RBFOX1: variants seen among roughly 807,000 people sequenced by gnomAD.
The protein encoded by RBFOX1 is RNA binding fox-1 homolog 1.
RBFOX1 carries 8 observed loss-of-function variants against 57.7 expected under a neutral mutation model. The observed-to-expected ratio is 0.14, with a 90% CI of 0.08 to 0.25. The LOEUF (loss-of-function observed/expected upper bound fraction) is 0.25, where lower values mean the gene tolerates loss of function less well. RBFOX1 is among the 10% of genes least tolerant of loss of function. RBFOX1 has a pLI of 1.00. For missense variants in RBFOX1, 611 were observed against 548.5 expected (o/e 1.11, Z -1.14); for synonymous variants, 326 against 222.4 (o/e 1.47, Z -4.15).
At chr16:5,703,342 G>A (rs1287848852) in intron 3 of RBFOX1, among the ~76,000 whole-genome samples, 1 of 152,118 alleles carries the variant, frequency 6.6e-6, no homozygotes, top group East Asian at 1.9e-4. Flanking sequence ...ATGCAAAGAG[G>A]GCAGGGAAGA....
intron 1 of RBFOX1, among the ~76,000 whole-genome samples, chr16:6,185,591 G>T (rs1053664138): frequency 1.3e-5 from 2 of 152,166 alleles, no homozygotes; most frequent in Non-Finnish European, 2.9e-5. Flanking sequence ...GGTGATCAGC[G>T]TGGGTTTAAG....
chr16:7,420,625 G>A (rs541079208), intron 4 of RBFOX1, among the ~76,000 whole-genome samples: 59 of 149,430 alleles, frequency 3.9e-4, no homozygotes, highest in Non-Finnish European at 7.7e-4. Context: ...TTTTCCTTCT[G>A]ACTTAGTGAA....
rs117716868 is a variant in RBFOX1, at chr16:6,783,050, C to G, written c.-16+128400C>G. ...TATTTTATCTGGTATAAGTACAGCTCTTTATGTTCTTTTTTGGTTTTCATT... is the reference window on the plus strand; with the variant it reads ...TATTTTATCTGGTATAAGTACAGCTGTTTATGTTCTTTTTTGGTTTTCATT... On this transcript the variant is annotated intron_variant, in intron 3 of 15. Coordinates refer to ENST00000550418, the MANE Select transcript of RBFOX1 (RefSeq NM_018723.4). Among the ~76,000 whole-genome samples the G allele has an allele frequency of 9.2e-5, 14 of 151,914 alleles. No individual in the cohort carries two copies. In the East Asian group the frequency reaches 2.7e-3, roughly 29 times the overall value.
At chr16:6,787,135 C>G (rs146727361) in intron 3 of RBFOX1, among the ~76,000 whole-genome samples, 1 of 152,314 alleles carries the variant, frequency 6.6e-6, no homozygotes, top group African/African-American at 2.4e-5. Flanking sequence ...CAATTGAGTG[C>G]TCTCCAAGAA....
chr16:6,801,836 C>T (rs1185635316), intron 3 of RBFOX1, among the ~76,000 whole-genome samples: 2 of 152,084 alleles, frequency 1.3e-5, no homozygotes, highest in Admixed American at 6.6e-5. Flanking sequence ...AGTTGTATGT[C>T]TACATGTAAG....
rs964534535 is a variant in RBFOX1, at chr16:7,333,194, C to G, written c.28-184953C>G. 3.8e-6 allele frequency: 4 copies of G among 1,039,248 alleles called. No homozygotes were observed. The African/African-American group carries it at 4.7e-5, about 12-fold the overall frequency. The allele number at this position is 1,039,248 out of a possible 1,614,324, so 64.4% of individuals were successfully genotyped here. A position where few individuals can be genotyped will look rare whatever the true frequency, so the allele number is the denominator to read the frequency against. On this transcript the variant is annotated intron_variant, in intron 4 of 15. Coordinates refer to ENST00000550418, the MANE Select transcript of RBFOX1 (RefSeq NM_018723.4). ...CAAACACTTTTAATACAGGAAAAAG[C>G]CCTCGCGTAGTCAGTGAGAAGACAG...
chr16:5,513,828 G>A (rs1438663636), intron 2 of RBFOX1, among the ~76,000 whole-genome samples: 2 of 151,942 alleles, frequency 1.3e-5, no homozygotes, highest in Non-Finnish European at 2.9e-5. Flanking sequence ...TGATCATCAG[G>A]GCTAGAAATA....
At chr16:6,861,642 T>C (rs188967757) in intron 3 of RBFOX1, among the ~76,000 whole-genome samples, 1 of 152,192 alleles carries the variant, frequency 6.6e-6, no homozygotes, top group Non-Finnish European at 1.5e-5. Context: ...TGTTGCAATA[T>C]TACAGACTTG....
intron 4 of RBFOX1, among the ~76,000 whole-genome samples, chr16:7,146,810 G>A (rs2075068881): frequency 6.7e-6 from 1 of 150,022 alleles, no homozygotes; most frequent in Non-Finnish European, 1.5e-5. Context: ...ATATATCCAA[G>A]GATGTGGCAC....
chr16:6,953,198 G>A (rs187311988), intron 3 of RBFOX1, among the ~76,000 whole-genome samples: 1 of 151,930 alleles, frequency 6.6e-6, no homozygotes, highest in Non-Finnish European at 1.5e-5. Flanking sequence ...TGCTAAGCTG[G>A]GTATGTGTCC....
At chr16:6,211,188 C>CTT (rs71142694) in intron 1 of RBFOX1, among the ~76,000 whole-genome samples, 22,514 of 90,470 alleles carry the variant, frequency 0.25, 2,989 homozygotes, top group Middle Eastern at 0.41. Context: ...TTTTCTTCTT[C>CTT]TTTTTTTTTT....
At chr16:5,573,705 T>A (rs767051424) in intron 2 of RBFOX1, among the ~76,000 whole-genome samples, 10 of 152,144 alleles carry the variant, frequency 6.6e-5, no homozygotes, top group Non-Finnish European at 1.3e-4. Flanking sequence ...CTCACACCTA[T>A]AACTGCAACA....
At chr16:5,392,791 A>G (rs1281679730) in intron 1 of RBFOX1, among the ~76,000 whole-genome samples, 1 of 152,080 alleles carries the variant, frequency 6.6e-6, no homozygotes, top group Non-Finnish European at 1.5e-5. Flanking sequence ...GGTCTGTTGT[A>G]CACTCGCCCC....
rs146994676 is a variant in RBFOX1 at position 5,355,856 on chromosome 16, C to T, written c.220-111360C>T. ...ATGTAATCCCAGCCCTTTCGGAGGC[C>T]GAGGCAGGTGAATCGCCTGAGACTA... On this transcript the variant is annotated intron_variant, in intron 1 of 2. Transcript: ENST00000585867. Among the ~76,000 whole-genome samples, 501 of 152,188 alleles carry T rather than the reference C, an allele frequency of 3.3e-3. 3 individuals carry two copies. The highest frequency in any genetic ancestry group is 0.01 in the African/African-American group (432 of 41,532).
intron 1 of RBFOX1, among the ~76,000 whole-genome samples, chr16:6,152,758 T>C (rs2096806668): frequency 6.6e-6 from 1 of 152,178 alleles, no homozygotes; most frequent in South Asian, 2.1e-4. Flanking sequence ...CCATGGTTTC[T>C]CAGCAGAAAA....
intron 2 of RBFOX1, among the ~76,000 whole-genome samples, chr16:5,596,489 C>G (rs1430673147): frequency 6.6e-6 from 1 of 152,166 alleles, no homozygotes; most frequent in Non-Finnish European, 1.5e-5. Flanking sequence ...TTGATTCATG[C>G]TGCCTGGGGC....
intron 1 of RBFOX1, among the ~76,000 whole-genome samples, chr16:6,044,425 C>A (rs2095474002): frequency 6.6e-6 from 1 of 151,954 alleles, no homozygotes; most frequent in Admixed American, 6.6e-5. Context: ...AAGAACACTG[C>A]CCCTTCCATA....
intron 2 of RBFOX1, among the ~76,000 whole-genome samples, chr16:5,588,183 G>A (rs1596355370): frequency 2.0e-5 from 3 of 152,164 alleles, no homozygotes; most frequent in Admixed American, 6.5e-5. Flanking sequence ...AAAGTAGATC[G>A]GTGATTGCTT....
intron 3 of RBFOX1, among the ~76,000 whole-genome samples, chr16:5,846,050 G>A (rs115701058): frequency 1.6e-3 from 251 of 152,146 alleles, no homozygotes; most frequent in African/African-American, 5.5e-3. Context: ...GTGGGTGCCT[G>A]TAATCCCAGT....
Sources: allele counts gnomAD v4.1 joint callset (sites outside exome capture counted in the v4.1 genomes callset), GRCh38; gene constraint gnomAD v4.1.1; transcripts MANE v1.5; gene names NCBI Gene and HGNC (gene_info 2026-07-23, HGNC 2026-07-21).